LSS: variants seen among roughly 807,000 people sequenced by gnomAD.
LSS encodes the protein lanosterol synthase, also known as 2,3-epoxysqualene-lanosterol cyclase.
In LSS, 90 loss-of-function variants were observed where a neutral mutation model predicts 110.3. The ratio of observed to expected loss-of-function variants is 0.82; its 90% CI spans 0.69 to 0.97. The LOEUF (loss-of-function observed/expected upper bound fraction) is 0.97, where lower values mean the gene tolerates loss of function less well. LSS is among the 50% of genes least tolerant of loss of function. LSS has a pLI of 0.00. For missense variants in LSS, 927 were observed against 990.0 expected, an observed-to-expected ratio of 0.94 and a Z score of 0.85; for synonymous variants, 433 against 400.0, an observed-to-expected ratio of 1.08 and a Z score of -0.98.
chr21:46,223,031 ACCT>A (rs1311998123), intron 3 of LSS, among the ~76,000 whole-genome samples: 1 of 152,154 alleles, frequency 6.6e-6, no homozygotes, highest in Admixed American at 6.5e-5. Flanking sequence ...ACTGCACAGC[ACCT>A]CAGGAAGGTC....
At position 46,190,897 on chromosome 21, in the gene LSS, GA is replaced by G. The variant is rs1437297757; in HGVS notation, c.*206del. On this transcript the variant is annotated 3_prime_UTR_variant, in exon 22 of 22. Coordinates refer to ENST00000397728, the MANE Select transcript of LSS (RefSeq NM_002340.6). The surrounding 1 kb of genome is among the most constrained non-coding windows in gnomAD (Gnocchi z 4.6). ...ACCCAAGCCCGACAAGCTACTTTCA[GA>G]AATGAACCTACAGTAAAAATCAAGA... The G allele has an allele frequency of 2.9e-5, 17 of 576,646 alleles. 1 individual carries two copies. The African/African-American group carries it at 3.8e-4, about 13-fold the overall frequency. The allele number at this position is 576,646 out of a possible 1,614,324, so 35.7% of individuals were successfully genotyped here.
In LSS at chr21:46,191,178, T is replaced by C. The variant is rs2079809164; in HGVS notation, c.2125A>G (p.Asn709Asp). The change falls in exon 22 of 22, where the codon AAC becomes GAC. Residue 709 changes from asparagine (N) to aspartate (D), a missense_variant. Coordinates refer to ENST00000397728, the MANE Select transcript of LSS (RefSeq NM_002340.6). ...SCAISYTSYR[N>D]IFPIWALGRF... Reference sequence around the variant, plus strand: ...CCGAGGGCCCAGATGGGGAAGATGTTCCTGTAGCTCGTGTAGGAGATGGCA... The same window carrying C: ...CCGAGGGCCCAGATGGGGAAGATGTCCCTGTAGCTCGTGTAGGAGATGGCA... 2.5e-6 allele frequency: 4 copies of C among 1,613,976 alleles called. No homozygotes were observed. The highest frequency in any genetic ancestry group is 3.4e-6 in the Non-Finnish European group (4 of 1,179,998).
chr21:46,201,981 A>G (rs1166858911), intron 17 of LSS, among the ~76,000 whole-genome samples: 1 of 151,058 alleles, frequency 6.6e-6, no homozygotes, highest in African/African-American at 2.4e-5. Flanking sequence ...TATTTTTAGT[A>G]GACAAGGTTT....
intron 17 of LSS, among the ~76,000 whole-genome samples, chr21:46,199,770 TA>T (rs2079956068): frequency 6.6e-6 from 1 of 152,140 alleles, no homozygotes; most frequent in Non-Finnish European, 1.5e-5. Flanking sequence ...ATGGAGACAG[TA>T]AAAATATCAG....
rs1306654431 is a variant in LSS at position 46,221,908 on chromosome 21, C to T, written c.496G>A (p.Val166Ile). The T allele has an allele frequency of 3.6e-5, 58 of 1,614,048 alleles. No individual in the cohort carries two copies. The highest frequency in any genetic ancestry group is 4.6e-5 in the Non-Finnish European group (54 of 1,180,044). ...LNYVSLRILGVGPDDPDLVRA... is the reference protein window; with the variant it reads ...LNYVSLRILGIGPDDPDLVRA... ...ACCAGGTCAGGATCGTCAGGCCCAA[C>T]ACCCAGAATTCTGAGAGACACATAG... Residue 166 changes from valine (V) to isoleucine (I), a missense_variant, in exon 5 of 22, where the codon GTT becomes ATT. Physicochemically the swap from Val to Ile is conservative, Grantham distance 29. Coordinates refer to ENST00000397728, the MANE Select transcript of LSS (RefSeq NM_002340.6).
At chr21:46,225,955 G>T (rs1333318010) in intron 3 of LSS, among the ~76,000 whole-genome samples, 2 of 152,022 alleles carry the variant, frequency 1.3e-5, no homozygotes, top group Non-Finnish European at 2.9e-5. Flanking sequence ...TCTGTCTTGT[G>T]TCTTTATTTC....
At chr21:46,200,541 C>T (rs966604117) in intron 17 of LSS, among the ~76,000 whole-genome samples, 3 of 151,508 alleles carry the variant, frequency 2.0e-5, no homozygotes, top group African/African-American at 7.3e-5. Context: ...GTTTCATAAC[C>T]TGAATCTAAT....
In LSS at chr21:46,196,228, C is replaced by T. The variant is rs1200908278; in HGVS notation, c.1710G>A (p.Gln570=). The T allele has an allele frequency of 1.1e-5, 17 of 1,614,018 alleles. No individual in the cohort carries two copies. The highest frequency in any genetic ancestry group is 1.4e-5 in the Non-Finnish European group (16 of 1,180,050). ...CTTCCCAGGAGCCATCGGCCCTCTG[C>T]TGCCGCCGACAGAACTCTAAGCCCT... ...LTQGLEFCRR[Q]QRADGSWEGS... The change falls in exon 18 of 22, where the codon CAG becomes CAA. Residue 570 remains glutamine (Q), a synonymous_variant. Coordinates refer to ENST00000397728, the MANE Select transcript of LSS (RefSeq NM_002340.6).
chr21:46,218,915 C>T (rs757238935), intron 6 of LSS, among the ~76,000 whole-genome samples: 35 of 152,006 alleles, frequency 2.3e-4, no homozygotes, highest in South Asian at 6.2e-4. Context: ...TTAGTAGAGA[C>T]GGGATTTCAC....
chr21:46,191,222 C>T lies in LSS; in HGVS notation c.2081G>A (p.Gly694Glu). The change falls in exon 22 of 22, where the codon GGG becomes GAG. Residue 694 changes from glycine to glutamate, a missense_variant. By Grantham distance (98) the Gly-to-Glu change is moderately conservative. Transcript: ENST00000397728. ...NGDWPQENIA[G>E]VFNKSCAISY... ...GATGGCACAGGACTTGTTGAAGACC[C>T]CAGCAATGTTTTCCTAAAAGAACAC... The T allele has an allele frequency of 6.2e-7, 1 of 1,614,076 alleles. No individual in the cohort carries two copies. Among genetic ancestry groups the T allele is most frequent in the Non-Finnish European group, 8.5e-7 (1 of 1,180,002 alleles).
intron 19 of LSS, 44 bp downstream of exon 19, chr21:46,195,632 T>G (rs1882171996): frequency 1.3e-6 from 2 of 1,523,200 alleles, no homozygotes; most frequent in Non-Finnish European, 1.8e-6. Flanking sequence ...GACAGAGCAT[T>G]GGGTTGAGAA....
rs1429182982 is a variant in LSS, at chr21:46,210,729, G to T, written c.1153C>A (p.Gln385Lys). Residue 385 changes from glutamine (Q) to lysine (K), a missense_variant, in exon 12 of 22, where the codon CAG becomes AAG. Transcript: ENST00000397728. The stretch of plus-strand genomic sequence containing the variant: ...ATGGCGAATGCGGTGTCCCAGATCT[G>T]TGAGCCGTTGGTGCCCTACACACAA... ...GMKMQGTNGSQIWDTAFAIQA... is the reference protein window; with the variant it reads ...GMKMQGTNGSKIWDTAFAIQA... The T allele has an allele frequency of 1.2e-6, 2 of 1,613,948 alleles. No individual in the cohort carries two copies. The highest frequency in any genetic ancestry group is 3.3e-5 in the Admixed American group (2 of 59,992).
intron 3 of LSS, chr21:46,227,175 A>T (rs937899026): frequency 2.5e-5 from 5 of 199,062 alleles, no homozygotes; most frequent in Non-Finnish European, 5.1e-5. Context: ...GGAAGTTCAC[A>T]GCAGATATCA....
At chr21:46,192,866 T>G (rs2079844129) in intron 20 of LSS, 1 of 450,128 alleles carries the variant, frequency 2.2e-6, no homozygotes, top group Non-Finnish European at 4.4e-6. Flanking sequence ...CGGGTGCATC[T>G]GCATATGTGT....
chr21:46,225,705 GTCTCTC>G, intron 3 of LSS, among the ~76,000 whole-genome samples: 1 of 151,130 alleles, frequency 6.6e-6, no homozygotes. Context: ...GGCATAAGCT[GTCTCTC>G]TCTCTCTCTC....
chr21:46,206,633 C>T (rs1466897960), intron 16 of LSS, 39 bp downstream of exon 16: 1 of 1,558,996 alleles, frequency 6.4e-7, no homozygotes, highest in Middle Eastern at 1.7e-4. Flanking sequence ...TGCTAGCCAG[C>T]CCCGGGTTTG....
chr21:46,215,645 G>T, intron 8 of LSS, 40 bp downstream of exon 8: 2 of 1,432,218 alleles, frequency 1.4e-6, no homozygotes, highest in African/African-American at 1.4e-5. Flanking sequence ...CCCTGACCCT[G>T]ACCCTGGGCT....
Position 46,191,175 on chromosome 21 carries a change from T to C in LSS, c.2128A>G (p.Ile710Val), listed in dbSNP as rs1303381038. The C allele has an allele frequency of 1.2e-6, 2 of 1,614,044 alleles. No homozygotes were observed. Among genetic ancestry groups the C allele is most frequent in the Non-Finnish European group, 1.7e-6 (2 of 1,180,038 alleles). The change falls in exon 22 of 22, where the codon ATC becomes GTC. Residue 710 changes from isoleucine (I) to valine (V), a missense_variant. Coordinates refer to ENST00000397728, the MANE Select transcript of LSS (RefSeq NM_002340.6). ...CAISYTSYRNIFPIWALGRFS... is the reference protein window; with the variant it reads ...CAISYTSYRNVFPIWALGRFS... The stretch of plus-strand genomic sequence containing the variant: ...CGGCCGAGGGCCCAGATGGGGAAGA[T>C]GTTCCTGTAGCTCGTGTAGGAGATG...
In LSS at chr21:46,216,540, G is replaced by T. The variant is rs757755751; in HGVS notation, c.648-16C>A. ...AGGAAACAGCCTGGGGCAACAGCAG[G>T]AGTCAGTGGGAGACCCCAAGACTCA... On this transcript the variant is annotated splice_polypyrimidine_tract_variant and intron_variant, in intron 6 of 21. Coordinates refer to ENST00000397728, the MANE Select transcript of LSS (RefSeq NM_002340.6). The surrounding 1 kb of genome is among the most constrained non-coding windows in gnomAD (Gnocchi z 4.2). The T allele has an allele frequency of 6.3e-6, 10 of 1,577,776 alleles. No individual in the cohort carries two copies. In the African/African-American group the frequency reaches 1.3e-4, roughly 21 times the overall value.
Sources: allele counts gnomAD v4.1 joint callset (sites outside exome capture counted in the v4.1 genomes callset), GRCh38; gene constraint gnomAD v4.1.1; non-coding constraint Gnocchi (gnomAD v3.1); transcripts MANE v1.5; gene names NCBI Gene and HGNC (gene_info 2026-07-23, HGNC 2026-07-21).